ADAMTS3: variants seen among roughly 807,000 people sequenced by gnomAD.
ADAMTS3 encodes the protein A disintegrin and metalloproteinase with thrombospondin motifs 3.
In ADAMTS3, 73 loss-of-function variants were observed where a neutral mutation model predicts 129.0. That is an observed-to-expected ratio of 0.57 (90% CI 0.47 to 0.69). ADAMTS3 has a LOEUF of 0.69. ADAMTS3 is among the 30% of genes least tolerant of loss of function. The pLI is 0.00. For synonymous variants in ADAMTS3, 477 were observed against 510.8 expected, an observed-to-expected ratio of 0.93 and a Z score of 0.89; for missense variants, 1,457 against 1,514.5, an observed-to-expected ratio of 0.96 and a Z score of 0.63.
At chr4:72,479,314 CA>C (rs1719351730) in intron 3 of ADAMTS3, among the ~76,000 whole-genome samples, 1 of 152,104 alleles carries the variant, frequency 6.6e-6, no homozygotes, top group Non-Finnish European at 1.5e-5. Context: ...CTACAGTCAC[CA>C]AAACAGCATG....
chr4:72,403,370 T>C (rs1721972924), intron 4 of ADAMTS3, among the ~76,000 whole-genome samples: 1 of 152,078 alleles, frequency 6.6e-6, no homozygotes, highest in African/African-American at 2.4e-5. Context: ...ATATAATGTT[T>C]CTATATTCAT....
chr4:72,530,106 CATATT>C (rs1211347117), intron 3 of ADAMTS3, among the ~76,000 whole-genome samples: 1 of 22,676 alleles, frequency 4.4e-5, no homozygotes, highest in Admixed American at 1.0e-3. Context: ...TTATATATAA[CATATT>C]ATATATTATG....
intron 4 of ADAMTS3, among the ~76,000 whole-genome samples, chr4:72,399,579 C>A (rs1721821445): frequency 6.6e-6 from 1 of 151,740 alleles, no homozygotes; most frequent in Non-Finnish European, 1.5e-5. Context: ...CAATGTTGAA[C>A]AAAAAGGAAA....
rs1372410366 is a variant in ADAMTS3 at position 72,525,696 on chromosome 4, T to C, written c.504+22782A>G. Among the ~76,000 whole-genome samples the C allele has an allele frequency of 2.0e-5, 3 of 152,204 alleles. No individual in the cohort carries two copies. In the East Asian group the frequency reaches 5.8e-4, roughly 29 times the overall value. On this transcript the variant is annotated intron_variant, in intron 3 of 21. Transcript: ENST00000286657. ...TGCTCAAAGCCTTTCACACCCTTCC[T>C]GAGCTATGCTTCTTGTTCACAGTCT...
chr4:72,338,598 G>C (rs1438019814), intron 5 of ADAMTS3, among the ~76,000 whole-genome samples: 1 of 151,700 alleles, frequency 6.6e-6, no homozygotes, highest in African/African-American at 2.4e-5. Context: ...ATGGGGGAAA[G>C]AGGTAAACTA....
chr4:72,428,429 G>T (rs1428434528), intron 3 of ADAMTS3, among the ~76,000 whole-genome samples: 1 of 152,004 alleles, frequency 6.6e-6, no homozygotes, highest in Non-Finnish European at 1.5e-5. Flanking sequence ...TTATTAGGAT[G>T]TGCAAGAAAA....
chr4:72,378,906 G>C (rs979112156), intron 4 of ADAMTS3, among the ~76,000 whole-genome samples: 1 of 152,102 alleles, frequency 6.6e-6, no homozygotes, highest in African/African-American at 2.4e-5. Flanking sequence ...TTCTCGAGTT[G>C]TTAAAATTCA....
chr4:72,474,629 G>A (rs1167640533), intron 3 of ADAMTS3, among the ~76,000 whole-genome samples: 1 of 151,958 alleles, frequency 6.6e-6, no homozygotes, highest in Non-Finnish European at 1.5e-5. Flanking sequence ...CATTCAAACT[G>A]GTAAAATGAC....
chr4:72,319,460 A>G lies in ADAMTS3; in HGVS notation c.1224T>C (p.His408=), dbSNP rs1169392067. Residue 408 remains histidine, a synonymous_variant, in exon 9 of 22, where the codon CAT becomes CAC. Transcript: ENST00000286657. ...HETGHVLGME[H]DGQGNRCGDE... ...CACCACACCTGTTGCCTTGTCCATCATGCTCCATTCCCAACCTAGAACACA... is the reference window on the plus strand; with the variant it reads ...CACCACACCTGTTGCCTTGTCCATCGTGCTCCATTCCCAACCTAGAACACA... 7 of 1,613,276 alleles carry G rather than the reference A, an allele frequency of 4.3e-6. No individual in the cohort carries two copies. Among genetic ancestry groups the G allele is most frequent in the Admixed American group, 1.7e-5 (1 of 59,862 alleles).
chr4:72,460,389 G>A (rs1718734619), intron 3 of ADAMTS3, among the ~76,000 whole-genome samples: 1 of 151,426 alleles, frequency 6.6e-6, no homozygotes, highest in Admixed American at 6.6e-5. Context: ...AATTGAAATA[G>A]GGAGGGAAGA....
Position 72,318,714 on chromosome 4 carries a change from G to A in ADAMTS3, c.1353-10C>T, listed in dbSNP as rs1032819481. 4 of 1,606,880 alleles carry A rather than the reference G, an allele frequency of 2.5e-6. No homozygotes were observed. The highest frequency in any genetic ancestry group is 1.7e-5 in the Admixed American group (1 of 58,638). On this transcript the variant is annotated splice_polypyrimidine_tract_variant and intron_variant, in intron 9 of 21. Coordinates refer to ENST00000286657, the MANE Select transcript of ADAMTS3 (RefSeq NM_014243.3). ...GAGACAGTCATAGGAACTGTAGGAA[G>A]AAAAATATTGCATGTAGTTAAATGT...
chr4:72,334,219 T>C (rs1280190929), intron 5 of ADAMTS3, among the ~76,000 whole-genome samples: 1 of 152,142 alleles, frequency 6.6e-6, no homozygotes, highest in African/African-American at 2.4e-5. Flanking sequence ...AAACTGTCAG[T>C]TCCTTGCATA....
At position 72,401,566 on chromosome 4, in the gene ADAMTS3, CAAAAAAAAAAAA is replaced by C. The variant is rs374322807; in HGVS notation, c.661+13237_661+13248del. Among the ~76,000 whole-genome samples, 3 of 37,054 alleles carry C rather than the reference CAAAAAAAAAAAA, an allele frequency of 8.1e-5. No homozygotes were observed. The Admixed American group carries it at 1.4e-3, about 17-fold the overall frequency. The allele number at this position is 37,054 out of a possible 152,430, so 24.3% of individuals were successfully genotyped here. ...TGGGCGACAGAGAGATACTCTGTCT[CAAAAAAAAAAAA>C]AAAAAAAAAAGAAAAGAAAAAAAAA... On this transcript the variant is annotated intron_variant, in intron 4 of 21. Coordinates refer to ENST00000286657, the MANE Select transcript of ADAMTS3 (RefSeq NM_014243.3).
At chr4:72,318,024 G>A (rs559904924) in intron 10 of ADAMTS3, among the ~76,000 whole-genome samples, 48 of 147,474 alleles carry the variant, frequency 3.3e-4, no homozygotes, top group Middle Eastern at 6.9e-3. Context: ...GTGAGACTCC[G>A]TCTCAAAAAA....
Position 72,309,424 on chromosome 4 carries a change from TC to T in ADAMTS3, c.2151del (p.Thr718HisfsTer25). On this transcript the variant is annotated frameshift_variant, in exon 15 of 22. Coordinates refer to ENST00000286657, the MANE Select transcript of ADAMTS3 (RefSeq NM_014243.3). LOFTEE classifies it high-confidence loss of function. ...GDNSHCRTVK[G>X]TFTRTPRKLG... ...AGCTTCCTGGGAGTTCTGGTAAATGTCCCCTTCACGGTTCGGCAGTGGGAAT... is the reference window on the plus strand; with the variant it reads ...AGCTTCCTGGGAGTTCTGGTAAATGTCCCTTCACGGTTCGGCAGTGGGAAT... 6.2e-7 allele frequency: 1 copy of T among 1,612,050 alleles called. No homozygotes were observed. Among genetic ancestry groups the T allele is most frequent in the East Asian group, 2.2e-5 (1 of 44,796 alleles).
At chr4:72,375,635 T>C (rs1451493679) in intron 4 of ADAMTS3, among the ~76,000 whole-genome samples, 4 of 152,118 alleles carry the variant, frequency 2.6e-5, no homozygotes. Flanking sequence ...GGGGTCATGC[T>C]AGGCAGGAAT....
chr4:72,308,766 C>T (rs1349219327), intron 15 of ADAMTS3, among the ~76,000 whole-genome samples: 2 of 151,932 alleles, frequency 1.3e-5, no homozygotes, highest in South Asian at 4.2e-4. Context: ...TTTGTTCCAC[C>T]TTTGAACCTT....
intron 5 of ADAMTS3, among the ~76,000 whole-genome samples, chr4:72,326,250 C>T (rs1244743685): frequency 6.6e-6 from 1 of 152,010 alleles, no homozygotes; most frequent in Admixed American, 6.6e-5. Context: ...TTCAATGTGG[C>T]AAATAACCAG....
chr4:72,531,596 G>C (rs1431212840), intron 3 of ADAMTS3, among the ~76,000 whole-genome samples: 1 of 152,160 alleles, frequency 6.6e-6, no homozygotes, highest in Non-Finnish European at 1.5e-5. Context: ...CAAGAAGAGT[G>C]ATGGTCCTCA....
Sources: allele counts gnomAD v4.1 joint callset (sites outside exome capture counted in the v4.1 genomes callset), GRCh38; gene constraint gnomAD v4.1.1; transcripts MANE v1.5; gene names NCBI Gene and HGNC (gene_info 2026-07-23, HGNC 2026-07-21).